CAMKMT: variants seen among roughly 807,000 people sequenced by gnomAD.
CAMKMT encodes the protein CaM KMT.
Under a neutral mutation model 48.0 loss-of-function variants are expected in CAMKMT, and 53 were observed. The ratio of observed to expected loss-of-function variants is 1.10; its 90% CI spans 0.89 to 1.39. The LOEUF is 1.39. Ranked by LOEUF, CAMKMT falls within the 40% of genes most tolerant of loss-of-function variation. The probability of loss-of-function intolerance (pLI) is 0.00; values close to 1 mark genes in which losing one functional copy is unlikely to be tolerated. For missense variants in CAMKMT, 428 were observed against 402.7 expected, an observed-to-expected ratio of 1.06 and a Z score of -0.54; for synonymous variants, 165 against 152.3, an observed-to-expected ratio of 1.08 and a Z score of -0.61.
chr2:44,597,143 C>A (rs1256040308), intron 3 of CAMKMT, among the ~76,000 whole-genome samples: 1 of 152,112 alleles, frequency 6.6e-6, no homozygotes, highest in African/African-American at 2.4e-5. Context: ...TAGTGGCAAT[C>A]CCCTAAGTGC....
chr2:44,425,913 T>C (rs1470427174), intron 3 of CAMKMT, among the ~76,000 whole-genome samples: 1 of 152,152 alleles, frequency 6.6e-6, no homozygotes, highest in Non-Finnish European at 1.5e-5. Context: ...GTATTTTTAG[T>C]AGAGAGGTGA....
intron 3 of CAMKMT, among the ~76,000 whole-genome samples, chr2:44,614,013 T>C (rs1671734698): frequency 6.6e-6 from 1 of 152,278 alleles, no homozygotes; most frequent in East Asian, 1.9e-4. Context: ...CCCTATAAAA[T>C]AGATAAATAC....
intron 3 of CAMKMT, among the ~76,000 whole-genome samples, chr2:44,458,340 C>T (rs1246264212): frequency 6.6e-6 from 1 of 152,112 alleles, no homozygotes; most frequent in African/African-American, 2.4e-5. Context: ...AGCCACTGCG[C>T]CCTGCCAGCT....
intron 3 of CAMKMT, among the ~76,000 whole-genome samples, chr2:44,503,439 G>A (rs887221456): frequency 3.9e-5 from 6 of 152,072 alleles, no homozygotes; most frequent in African/African-American, 9.7e-5. Flanking sequence ...TTACTTTTAA[G>A]TTCTAAGATA....
chr2:44,379,309 C>T (rs926164528), intron 2 of CAMKMT, among the ~76,000 whole-genome samples: 5 of 152,168 alleles, frequency 3.3e-5, no homozygotes, highest in Non-Finnish European at 2.9e-5. Flanking sequence ...TTTTTTTCAT[C>T]AGTTGATGAA....
At chr2:44,648,233 A>G (rs1225236497) in intron 3 of CAMKMT, among the ~76,000 whole-genome samples, 1 of 152,206 alleles carries the variant, frequency 6.6e-6, no homozygotes, top group Non-Finnish European at 1.5e-5. Flanking sequence ...GTTTGATAGA[A>G]AAAGCTCTGG....
At chr2:44,607,788 T>C (rs1671367631) in intron 3 of CAMKMT, among the ~76,000 whole-genome samples, 1 of 152,180 alleles carries the variant, frequency 6.6e-6, no homozygotes, top group African/African-American at 2.4e-5. Flanking sequence ...CCTCTACTTT[T>C]TTCCAAGTTA....
chr2:44,509,152 A>G (rs1670410501), intron 3 of CAMKMT, among the ~76,000 whole-genome samples: 1 of 152,022 alleles, frequency 6.6e-6, no homozygotes, highest in Admixed American at 6.6e-5. Context: ...AGAACACTGA[A>G]GCACAGAAAG....
At chr2:44,453,022 A>C (rs551392803) in intron 3 of CAMKMT, among the ~76,000 whole-genome samples, 1 of 152,076 alleles carries the variant, frequency 6.6e-6, no homozygotes, top group Admixed American at 6.6e-5. Flanking sequence ...TTGATTTACT[A>C]TGCTAAAATA....
At chr2:44,491,010 G>A (rs1029941352) in intron 3 of CAMKMT, among the ~76,000 whole-genome samples, 2 of 152,048 alleles carry the variant, frequency 1.3e-5, no homozygotes, top group African/African-American at 4.8e-5. Flanking sequence ...AAAATTAGCT[G>A]GGCATGGTGG....
intron 3 of CAMKMT, among the ~76,000 whole-genome samples, chr2:44,535,601 C>A (rs754393667): frequency 1.3e-5 from 2 of 152,134 alleles, no homozygotes; most frequent in Non-Finnish European, 2.9e-5. Flanking sequence ...AATCAACAAA[C>A]GTGATTCATC....
intron 3 of CAMKMT, among the ~76,000 whole-genome samples, chr2:44,697,958 G>T (rs1366840435): frequency 6.6e-6 from 1 of 152,118 alleles, no homozygotes; most frequent in Non-Finnish European, 1.5e-5. Flanking sequence ...GGGGAAAGGG[G>T]CTTGGTGCTA....
At chr2:44,764,279 C>T (rs556134112) in intron 9 of CAMKMT, among the ~76,000 whole-genome samples, 14 of 152,196 alleles carry the variant, frequency 9.2e-5, no homozygotes, top group Admixed American at 6.5e-4. Context: ...AGTGTAGCCA[C>T]GTATTTTCTT....
chr2:44,406,483 C>T (rs890568716), intron 3 of CAMKMT, among the ~76,000 whole-genome samples: 1 of 80,576 alleles, frequency 1.2e-5, no homozygotes, highest in African/African-American at 6.8e-5. Flanking sequence ...AATACCACCC[C>T]AGTGTCTTTG....
intron 3 of CAMKMT, among the ~76,000 whole-genome samples, chr2:44,672,890 C>T (rs1181253138): frequency 9.2e-5 from 14 of 151,926 alleles, no homozygotes; most frequent in Admixed American, 8.5e-4. Context: ...CTATATTTTT[C>T]TAGGTAGCAG....
intron 2 of CAMKMT, among the ~76,000 whole-genome samples, chr2:44,376,387 C>G (rs1044245571): frequency 6.7e-6 from 1 of 149,492 alleles, no homozygotes; most frequent in Non-Finnish European, 1.5e-5. Flanking sequence ...TGCCACTGAA[C>G]TCCAGCCTGG....
chr2:44,417,582 A>G (rs2104499225), intron 3 of CAMKMT, among the ~76,000 whole-genome samples: 1 of 152,296 alleles, frequency 6.6e-6, no homozygotes, highest in East Asian at 1.9e-4. Context: ...ACCTAGGAGT[A>G]GAATTGTTAG....
chr2:44,471,718 G>T (rs1030660223), intron 3 of CAMKMT, among the ~76,000 whole-genome samples: 1 of 152,100 alleles, frequency 6.6e-6, no homozygotes, highest in Non-Finnish European at 1.5e-5. Flanking sequence ...TCTGATTCTT[G>T]ATGTAAAGTA....
intron 3 of CAMKMT, among the ~76,000 whole-genome samples, chr2:44,656,347 A>T (rs779462887): frequency 5.9e-5 from 9 of 151,926 alleles, no homozygotes; most frequent in Non-Finnish European, 1.0e-4. Context: ...CTCAAAAGGA[A>T]TTTTTTTCTT....
Sources: allele counts gnomAD v4.1 joint callset (sites outside exome capture counted in the v4.1 genomes callset), GRCh38; gene constraint gnomAD v4.1.1; transcripts MANE v1.5; gene names NCBI Gene and HGNC (gene_info 2026-07-23, HGNC 2026-07-21).